BCLAF1: variants seen among roughly 807,000 people sequenced by gnomAD.
BCLAF1 encodes the protein BCL2 associated transcription factor 1.
In BCLAF1, 10 loss-of-function variants were observed where a neutral mutation model predicts 99.5. The observed-to-expected ratio is 0.10, with a 90% CI of 0.06 to 0.17. The LOEUF (loss-of-function observed/expected upper bound fraction) is 0.17. Ranked by LOEUF, BCLAF1 falls within the 10% of genes least tolerant of loss-of-function variation. The pLI is 1.00. For missense variants in BCLAF1, 636 were observed against 1,105.8 expected (o/e 0.58, Z 6.02); for synonymous variants, 255 against 370.9 (o/e 0.69, Z 3.59).
chr6:136,282,489 T>C (rs1375666388), intron 2 of BCLAF1, 95 bp downstream of exon 2: 1 of 152,154 alleles, frequency 6.6e-6, no homozygotes, highest in Non-Finnish European at 1.5e-5. Flanking sequence ...TCGGACCACA[T>C]CATTTTTAAT....
chr6:136,265,821 A>G (rs985298547), intron 11 of BCLAF1, among the ~76,000 whole-genome samples: 22 of 152,162 alleles, frequency 1.4e-4, no homozygotes, highest in African/African-American at 5.3e-4. Flanking sequence ...TTGTTTCTCT[A>G]CTACTAGCAG....
intron 1 of BCLAF1, among the ~76,000 whole-genome samples, chr6:136,287,951 C>T (rs1028294011): frequency 6.6e-6 from 1 of 152,120 alleles, no homozygotes; most frequent in African/African-American, 2.4e-5. Flanking sequence ...GACCCGGAGA[C>T]GGAGGCTGCA....
rs766540012 is a variant in BCLAF1, at chr6:136,278,140, C to G, written c.741G>C (p.Met247Ile). ...TTTTTGCAGAGTGAACTGTACTGAG[C>G]ATGGGAGCATCAGAGCAAGATGAAC... The part of the protein sequence containing the change: ...SQSSSCSDAP[M>I]LSTVHSAKNT... Residue 247 changes from methionine to isoleucine, a missense_variant, in exon 4 of 13, where the codon ATG becomes ATC. By Grantham distance (10) the Met-to-Ile change is conservative. Coordinates refer to ENST00000531224, the MANE Select transcript of BCLAF1 (RefSeq NM_014739.3). The G allele has an allele frequency of 6.2e-6, 10 of 1,602,532 alleles. No individual in the cohort carries two copies. Among genetic ancestry groups the G allele is most frequent in the Non-Finnish European group, 7.7e-6 (9 of 1,174,644 alleles).
Position 136,268,357 on chromosome 6 carries a change from C to A in BCLAF1, c.2220-18G>T, listed in dbSNP as rs1562238235. 3 of 1,571,784 alleles carry A rather than the reference C, an allele frequency of 1.9e-6. No homozygotes were observed. Among genetic ancestry groups the A allele is most frequent in the Admixed American group, 1.9e-5 (1 of 51,416 alleles). On this transcript the variant is annotated intron_variant, in intron 9 of 12. Coordinates refer to ENST00000531224, the MANE Select transcript of BCLAF1 (RefSeq NM_014739.3). ...TATGTTTACTGCAAAATAAAGAAAA[C>A]AAAAAATGTGATACTTTTAAAAAGA...
At chr6:136,288,894 T>C (rs1473063471) in intron 1 of BCLAF1, among the ~76,000 whole-genome samples, 1 of 152,190 alleles carries the variant, frequency 6.6e-6, no homozygotes, top group Non-Finnish European at 1.5e-5. Context: ...GCTTCGCTAG[T>C]ACTCATGAAG....
At chr6:136,267,833 G>A (rs561200701) in intron 10 of BCLAF1, among the ~76,000 whole-genome samples, 7 of 152,020 alleles carry the variant, frequency 4.6e-5, no homozygotes, top group Admixed American at 2.6e-4. Context: ...TTATTAAGGC[G>A]TTAAGGTACC....
intron 6 of BCLAF1, 69 bp downstream of exon 6, chr6:136,275,463 A>G (rs1301127316): frequency 7.2e-7 from 1 of 1,388,260 alleles, no homozygotes; most frequent in Non-Finnish European, 9.6e-7. Flanking sequence ...ATTATTAAGC[A>G]TAATTACACA....
At chr6:136,264,818 T>C (rs1781496463) in intron 11 of BCLAF1, among the ~76,000 whole-genome samples, 1 of 152,160 alleles carries the variant, frequency 6.6e-6, no homozygotes, top group Non-Finnish European at 1.5e-5. Flanking sequence ...CATCAGTCTG[T>C]GGCAAATCAA....
At chr6:136,272,192 T>G (rs1290675176) in intron 7 of BCLAF1, 113 bp from the exon 8 acceptor site, 6 of 682,912 alleles carry the variant, frequency 8.8e-6, no homozygotes, top group African/African-American at 1.8e-5. Flanking sequence ...ATCAACTAAT[T>G]TAGCACACCA....
At chr6:136,269,725 A>G in intron 8 of BCLAF1, 113 bp from the exon 9 acceptor site, 2 of 740,106 alleles carry the variant, frequency 2.7e-6, no homozygotes, top group Admixed American at 3.7e-5. Context: ...TTTTAGTATC[A>G]GAAAATAATG....
In BCLAF1 at chr6:136,257,518, C is replaced by T. The variant is rs1264821340; in HGVS notation, c.*3592G>A. 6.6e-6 allele frequency: 1 copy of T among 152,098 alleles called. No individual in the cohort carries two copies. Among genetic ancestry groups the T allele is most frequent in the African/African-American group, 2.4e-5 (1 of 41,422 alleles). 9.4% of individuals were successfully genotyped at this position (152,098 alleles called of 1,614,324 possible). On this transcript the variant is annotated 3_prime_UTR_variant, in exon 13 of 13. Transcript: ENST00000531224. ...AAGTCAATTAAATACAACTAGATTC[C>T]ATATATTCCTGAATCCTAAGAAATG... is the stretch of plus-strand genomic sequence containing the variant.
At chr6:136,265,240 A>G (rs896026225) in intron 11 of BCLAF1, among the ~76,000 whole-genome samples, 2 of 151,954 alleles carry the variant, frequency 1.3e-5, no homozygotes, top group South Asian at 2.1e-4. Flanking sequence ...ATGGTGACCT[A>G]TAAAATTAGA....
At chr6:136,279,538 C>A in intron 3 of BCLAF1, 1 of 315,164 alleles carries the variant, frequency 3.2e-6, no homozygotes. Context: ...AATTTGAGAC[C>A]TGGAGTCAGA....
rs1233961383 is a variant in BCLAF1, at chr6:136,258,660, G to A, written c.*2450C>T. 2 of 152,480 alleles carry A rather than the reference G, an allele frequency of 1.3e-5. No homozygotes were observed. Among genetic ancestry groups the A allele is most frequent in the East Asian group, 3.8e-4 (2 of 5,200 alleles). The allele number at this position is 152,480 out of a possible 1,614,324, so 9.4% of individuals were successfully genotyped here. A position where few individuals can be genotyped will look rare whatever the true frequency, so the allele number is the denominator to read the frequency against. ...GTTGCATCATTATACATCACACTGA[G>A]TAAGAATCGTTTAGCCATCTACATT... On this transcript the variant is annotated 3_prime_UTR_variant, in exon 13 of 13. Transcript: ENST00000531224.
chr6:136,258,282 C>T lies in BCLAF1; in HGVS notation c.*2828G>A, dbSNP rs994202074. 2.6e-5 allele frequency: 4 copies of T among 152,010 alleles called. No homozygotes were observed. Among genetic ancestry groups the T allele is most frequent in the East Asian group, 1.9e-4 (1 of 5,188 alleles). The allele number at this position is 152,010 out of a possible 1,614,324, so 9.4% of individuals were successfully genotyped here. A position where few individuals can be genotyped will look rare whatever the true frequency, so the allele number is the denominator to read the frequency against. The stretch of plus-strand genomic sequence containing the variant: ...AAGGTCCCAGATTAACGTAAGAAAA[C>T]GAGGACTAAACTGGACATCCAGAAT... On this transcript the variant is annotated 3_prime_UTR_variant, in exon 13 of 13. Transcript: ENST00000531224.
In BCLAF1 at chr6:136,260,997, T is replaced by C; in HGVS notation, c.*113A>G. 2.5e-6 allele frequency: 3 copies of C among 1,218,704 alleles called. No homozygotes were observed. The Admixed American group carries it at 8.0e-5, about 32-fold the overall frequency. 75.5% of individuals were successfully genotyped at this position (1,218,704 alleles called of 1,614,324 possible). On this transcript the variant is annotated 3_prime_UTR_variant, in exon 13 of 13. Coordinates refer to ENST00000531224, the MANE Select transcript of BCLAF1 (RefSeq NM_014739.3). ...TTAAAACAAAATTTCTATAGACTAC[T>C]TGCAAACAGTAAAATTTAAGTAAAA...
chr6:136,282,740 T>A (rs1425286144), intron 1 of BCLAF1, 53 bp from the exon 2 acceptor site: 2 of 152,192 alleles, frequency 1.3e-5, no homozygotes, highest in Non-Finnish European at 2.9e-5. Flanking sequence ...TAAATAACCA[T>A]TATTTACAAT....
In BCLAF1 at chr6:136,257,344, ATAGTCTAGT is replaced by A. The variant is rs1170924054; in HGVS notation, c.*3757_*3765del. ...GAGATTCATTTTTAAAGGCCAAGGT[ATAGTCTAGT>A]AACATAAAAAGAACTGGTACCCTTA... On this transcript the variant is annotated 3_prime_UTR_variant, in exon 13 of 13. Coordinates refer to ENST00000531224, the MANE Select transcript of BCLAF1 (RefSeq NM_014739.3). The A allele has an allele frequency of 6.6e-6, 1 of 152,216 alleles. No homozygotes were observed. The highest frequency in any genetic ancestry group is 1.5e-5 in the Non-Finnish European group (1 of 68,020). The allele number at this position is 152,216 out of a possible 1,614,324, so 9.4% of individuals were successfully genotyped here.
At position 136,260,470 on chromosome 6, in the gene BCLAF1, A is replaced by G. The variant is rs1295850335; in HGVS notation, c.*640T>C. The G allele has an allele frequency of 6.6e-6, 1 of 152,334 alleles. No individual in the cohort carries two copies. The highest frequency in any genetic ancestry group is 1.5e-5 in the Non-Finnish European group (1 of 67,938). The allele number at this position is 152,334 out of a possible 1,614,324, so 9.4% of individuals were successfully genotyped here. A position where few individuals can be genotyped will look rare whatever the true frequency, so the allele number is the denominator to read the frequency against. On this transcript the variant is annotated 3_prime_UTR_variant, in exon 13 of 13. Coordinates refer to ENST00000531224, the MANE Select transcript of BCLAF1 (RefSeq NM_014739.3). ...AGGCCACTGCTTGCTTTCAGTAAAAATAACATTTTCTCAAAACTTTTCAAT... is the reference window on the plus strand; with the variant it reads ...AGGCCACTGCTTGCTTTCAGTAAAAGTAACATTTTCTCAAAACTTTTCAAT...
Sources: gnomAD v4.1 joint callset for allele counts (sites outside exome capture counted in the v4.1 genomes callset) on GRCh38, gnomAD v4.1.1 for gene constraint, MANE v1.5 for transcripts, NCBI Gene and HGNC (gene_info 2026-07-23, HGNC 2026-07-21) for gene names.